Variants in GRM5 observed in about 807,000 individuals in gnomAD.
GRM5 encodes the protein metabotropic glutamate receptor 5.
In GRM5, 19 loss-of-function variants were observed where a neutral mutation model predicts 83.1. That is an observed-to-expected ratio of 0.23 (90% CI 0.16 to 0.34). GRM5 has a LOEUF of 0.34. Among genes scored for constraint, GRM5 ranks in the 10% least tolerant of loss-of-function variants. The pLI, the probability that GRM5 is intolerant of heterozygous loss-of-function variation, is 1.00. For synonymous variants in GRM5, 675 were observed against 633.6 expected, an observed-to-expected ratio of 1.07 and a Z score of -0.98; for missense variants, 1,160 against 1,588.3, an observed-to-expected ratio of 0.73 and a Z score of 4.58.
chr11:89,045,197 A>G (rs1317908314), intron 2 of GRM5, among the ~76,000 whole-genome samples: 2 of 152,108 alleles, frequency 1.3e-5, no homozygotes, highest in Non-Finnish European at 2.9e-5. Flanking sequence ...TGCAATTTCT[A>G]TTGTCTTTTG....
intron 9 of GRM5, among the ~76,000 whole-genome samples, chr11:88,514,658 T>G (rs567125394): frequency 9.5e-4 from 145 of 152,126 alleles, no homozygotes; most frequent in African/African-American, 3.4e-3. Context: ...TGTACTGACA[T>G]GAAAACTACT....
At chr11:88,830,031 T>C (rs542489477) in intron 3 of GRM5, among the ~76,000 whole-genome samples, 7 of 151,040 alleles carry the variant, frequency 4.6e-5, no homozygotes, top group African/African-American at 1.7e-4. Context: ...GAGGAGAAGG[T>C]AGACAAAAGG....
chr11:88,801,085 A>C (rs1943384740), intron 3 of GRM5, among the ~76,000 whole-genome samples: 2 of 152,170 alleles, frequency 1.3e-5, no homozygotes, highest in Non-Finnish European at 2.9e-5. Flanking sequence ...ATGACAGCCC[A>C]GAGGCATACC....
intron 3 of GRM5, among the ~76,000 whole-genome samples, chr11:88,817,815 A>C (rs2135505550): frequency 6.6e-6 from 1 of 152,266 alleles, no homozygotes; most frequent in South Asian, 2.1e-4. Flanking sequence ...AATGAGGTTT[A>C]AATAAATTAA....
intron 2 of GRM5, among the ~76,000 whole-genome samples, chr11:89,002,763 GC>G (rs1940420001): frequency 6.6e-6 from 1 of 151,942 alleles, no homozygotes; most frequent in Non-Finnish European, 1.5e-5. Context: ...CCCTCCAAAG[GC>G]TTCCATTTTT....
Position 88,508,347 on chromosome 11 carries a change from T to C in GRM5, c.*245A>G, listed in dbSNP as rs1385817485. Reference sequence around the variant, plus strand: ...GACGCCTTGTCAGCCCTCAAAGATATCAGCCGTGTTTCTTAAAAGCCCATG... The same window carrying C: ...GACGCCTTGTCAGCCCTCAAAGATACCAGCCGTGTTTCTTAAAAGCCCATG... On this transcript the variant is annotated 3_prime_UTR_variant, in exon 10 of 10. Transcript: ENST00000305447. This position sits in a 1 kb window ranked among gnomAD's most constrained non-coding sequence, Gnocchi z 4.2. 4 of 419,334 alleles carry C rather than the reference T, an allele frequency of 9.5e-6. No individual in the cohort carries two copies. The highest frequency in any genetic ancestry group is 6.3e-5 in the African/African-American group (3 of 47,526). The allele number at this position is 419,334 out of a possible 1,614,324, so 26.0% of individuals were successfully genotyped here.
intron 3 of GRM5, among the ~76,000 whole-genome samples, chr11:88,718,399 A>G (rs777740917): frequency 1.2e-4 from 18 of 151,966 alleles, no homozygotes; most frequent in Non-Finnish European, 2.6e-4. Flanking sequence ...CAGTTTAACA[A>G]AGTGATTAGA....
intron 1 of GRM5, among the ~76,000 whole-genome samples, chr11:89,051,435 C>T (rs557599625): frequency 1.9e-4 from 29 of 152,062 alleles, no homozygotes; most frequent in African/African-American, 5.5e-4. Flanking sequence ...GTTGGCCAGG[C>T]GCGGTGGCTC....
At chr11:88,846,442 T>C (rs917727473) in intron 3 of GRM5, among the ~76,000 whole-genome samples, 1 of 152,144 alleles carries the variant, frequency 6.6e-6, no homozygotes, top group East Asian at 1.9e-4. Context: ...TACCCACAGC[T>C]CAAATGGAAA....
At chr11:88,678,662 T>A (rs1206031877) in intron 3 of GRM5, among the ~76,000 whole-genome samples, 1 of 152,124 alleles carries the variant, frequency 6.6e-6, no homozygotes, top group Non-Finnish European at 1.5e-5. Flanking sequence ...AATACCAAAT[T>A]TAAATGATAT....
intron 3 of GRM5, among the ~76,000 whole-genome samples, chr11:88,755,410 G>A (rs1240532633): frequency 6.6e-6 from 1 of 152,168 alleles, no homozygotes; most frequent in African/African-American, 2.4e-5. Flanking sequence ...TACCATATCT[G>A]TGTAGGTTAG....
intron 4 of GRM5, among the ~76,000 whole-genome samples, chr11:88,615,045 T>A (rs1217566817): frequency 6.6e-6 from 1 of 152,130 alleles, no homozygotes; most frequent in Non-Finnish European, 1.5e-5. Context: ...GCCCAAGACC[T>A]GGGCCCAGGT....
intron 2 of GRM5, among the ~76,000 whole-genome samples, chr11:88,946,280 C>T (rs1024528909): frequency 3.9e-5 from 6 of 151,930 alleles, no homozygotes; most frequent in African/African-American, 1.4e-4. Flanking sequence ...TATATACTGT[C>T]GGTGAGAATG....
At chr11:88,745,456 T>C (rs941230118) in intron 3 of GRM5, among the ~76,000 whole-genome samples, 10 of 152,108 alleles carry the variant, frequency 6.6e-5, no homozygotes, top group Non-Finnish European at 1.2e-4. Flanking sequence ...TCCACCTGTC[T>C]CAGCCTCCCC....
chr11:88,510,808 G>A (rs113295187), intron 9 of GRM5, among the ~76,000 whole-genome samples: 19 of 152,300 alleles, frequency 1.2e-4, no homozygotes, highest in South Asian at 6.2e-4. Flanking sequence ...GAGCCACTGC[G>A]TCTGGCCAGG....
At chr11:88,548,785 A>G (rs1408971225) in intron 8 of GRM5, among the ~76,000 whole-genome samples, 1 of 152,196 alleles carries the variant, frequency 6.6e-6, no homozygotes, top group Non-Finnish European at 1.5e-5. Flanking sequence ...CTCTTGGAAA[A>G]TGAACTACTA....
At position 88,743,333 on chromosome 11, in the gene GRM5, G is replaced by C. The variant is rs117689737; in HGVS notation, c.912-89930C>G. Among the ~76,000 whole-genome samples, 45 of 152,218 alleles carry C rather than the reference G, an allele frequency of 3.0e-4. No homozygotes were observed. In the East Asian group the frequency reaches 7.9e-3, roughly 27 times the overall value. ...ACGATAGACTTCATGTTATGTTCAGGTTTTACTAGTACAAGATTCTAGGGG... is the reference window on the plus strand; with the variant it reads ...ACGATAGACTTCATGTTATGTTCAGCTTTTACTAGTACAAGATTCTAGGGG... On this transcript the variant is annotated intron_variant, in intron 3 of 9. Coordinates refer to ENST00000305447, the MANE Select transcript of GRM5 (RefSeq NM_001143831.3).
chr11:89,053,822 A>G lies in GRM5; in HGVS notation c.-200-5750T>C, dbSNP rs142667140. Among the ~76,000 whole-genome samples, 355 of 152,360 alleles carry G rather than the reference A, an allele frequency of 2.3e-3. 1 individual carries two copies. The highest frequency in any genetic ancestry group is 0.023 in the East Asian group (118 of 5,180). On this transcript the variant is annotated intron_variant, in intron 1 of 9. Coordinates refer to ENST00000305447, the MANE Select transcript of GRM5 (RefSeq NM_001143831.3). ...GCTAAAAGAATTAAAGGAATGAGTC[A>G]TGCAGATCTCTAGAGAAACAACATT...
chr11:89,022,166 C>T (rs1007199910), intron 2 of GRM5, among the ~76,000 whole-genome samples: 3 of 152,084 alleles, frequency 2.0e-5, no homozygotes, highest in Admixed American at 6.5e-5. Flanking sequence ...TCATTTCATG[C>T]ATTTTCTTTC....
Sources: gnomAD v4.1 joint callset for allele counts (sites outside exome capture counted in the v4.1 genomes callset) on GRCh38, gnomAD v4.1.1 for gene constraint, Gnocchi (gnomAD v3.1) non-coding constraint, MANE v1.5 for transcripts, NCBI Gene and HGNC (gene_info 2026-07-23, HGNC 2026-07-21) for gene names.